Variants in TJP1 observed in about 807,000 individuals in gnomAD.
TJP1 encodes the protein tight junction protein 1.
Under a neutral mutation model 194.2 loss-of-function variants are expected in TJP1, and 43 were observed. The observed-to-expected ratio is 0.22, with a 90% confidence interval of 0.17 to 0.29. The LOEUF is 0.29. Ranked by LOEUF, TJP1 falls within the 10% of genes least tolerant of loss-of-function variation. The pLI is 1.00. For synonymous variants in TJP1, 801 were observed against 779.0 expected, an observed-to-expected ratio of 1.03 and a Z score of -0.47; for missense variants, 1,971 against 2,185.7, an observed-to-expected ratio of 0.90 and a Z score of 1.96.
chr15:29,703,912 C>T (rs755169811), intron 27 of TJP1, among the ~76,000 whole-genome samples: 4 of 152,092 alleles, frequency 2.6e-5, no homozygotes, highest in African/African-American at 7.2e-5. Flanking sequence ...CAAAGTGCTG[C>T]GATTACAGGC....
Position 29,705,764 on chromosome 15 carries a change from C to T in TJP1, c.4851-19G>A. 1 of 1,609,998 alleles carries T rather than the reference C, an allele frequency of 6.2e-7. No homozygotes were observed. The highest frequency in any genetic ancestry group is 8.5e-7 in the Non-Finnish European group (1 of 1,176,384). ...TGAAGGACTGAAAGTTCAGAAATGG[C>T]TAGTGAGTGAATTCCTAATAATACA... On this transcript the variant is annotated intron_variant, in intron 25 of 27. Coordinates refer to ENST00000614355, the MANE Select transcript of TJP1 (RefSeq NM_001330239.4).
At chr15:29,960,840 A>G (rs2056129638) in intron 1 of TJP1, among the ~76,000 whole-genome samples, 1 of 152,112 alleles carries the variant, frequency 6.6e-6, no homozygotes, top group Non-Finnish European at 1.5e-5. Flanking sequence ...TAAAAGGCAT[A>G]TGGCTCAATA....
chr15:29,849,460 C>G (rs1354678119), intron 2 of TJP1, among the ~76,000 whole-genome samples: 1 of 149,120 alleles, frequency 6.7e-6, no homozygotes, highest in East Asian at 2.0e-4. Context: ...AAAAAAAGAC[C>G]AGGCATGGTG....
intron 2 of TJP1, among the ~76,000 whole-genome samples, chr15:29,799,182 TATG>T (rs1375445017): frequency 1.2e-4 from 18 of 152,038 alleles, no homozygotes; most frequent in African/African-American, 4.1e-4. Context: ...ATAAATGTAA[TATG>T]ATAAAAAAAA....
At chr15:29,872,789 C>T (rs1027990011) in intron 2 of TJP1, among the ~76,000 whole-genome samples, 3 of 152,188 alleles carry the variant, frequency 2.0e-5, no homozygotes, top group Non-Finnish European at 4.4e-5. Context: ...GGAGAAGCCA[C>T]CACACAGAAA....
chr15:29,820,496 T>C (rs1042133921), intron 1 of TJP1: 2 of 716,360 alleles, frequency 2.8e-6, no homozygotes, highest in Admixed American at 2.0e-5. Context: ...CAAATCTCAA[T>C]ACTATAATTC....
At chr15:29,758,182 T>TG (rs2151497837) in intron 8 of TJP1, among the ~76,000 whole-genome samples, 1 of 152,304 alleles carries the variant, frequency 6.6e-6, no homozygotes, top group South Asian at 2.1e-4. Flanking sequence ...GTTAAGTTTT[T>TG]GGGAAGTTAA....
intron 2 of TJP1, among the ~76,000 whole-genome samples, chr15:29,798,976 T>G (rs977234510): frequency 1.3e-5 from 2 of 152,164 alleles, no homozygotes; most frequent in Non-Finnish European, 2.9e-5. Context: ...AGAAACCATA[T>G]CATTGGTTAA....
At chr15:29,794,818 C>T (rs1247999636) in intron 2 of TJP1, among the ~76,000 whole-genome samples, 1 of 151,902 alleles carries the variant, frequency 6.6e-6, no homozygotes, top group African/African-American at 2.4e-5. Flanking sequence ...GTAAAAAAAA[C>T]TATCAAAAGA....
intron 15 of TJP1, 54 bp downstream of exon 15, chr15:29,732,379 C>A: frequency 7.0e-7 from 1 of 1,432,710 alleles, no homozygotes; most frequent in South Asian, 1.2e-5. Flanking sequence ...AGAACTCACT[C>A]ACTTTAGAGG....
intron 10 of TJP1, among the ~76,000 whole-genome samples, chr15:29,740,627 G>GT (rs1371610903): frequency 6.6e-6 from 1 of 150,920 alleles, no homozygotes; most frequent in Non-Finnish European, 1.5e-5. Context: ...GCAAGACCCT[G>GT]TTTAAAAAAA....
At chr15:29,818,305 T>A (rs2050075312) in intron 1 of TJP1, among the ~76,000 whole-genome samples, 1 of 152,234 alleles carries the variant, frequency 6.6e-6, no homozygotes, top group Non-Finnish European at 1.5e-5. Flanking sequence ...CAGCCACTTT[T>A]CTGTGATTCA....
intron 17 of TJP1, 96 bp from the exon 18 acceptor site, chr15:29,726,575 A>G: frequency 1.5e-6 from 2 of 1,292,690 alleles, no homozygotes; most frequent in Non-Finnish European, 2.2e-6. Flanking sequence ...CATTACTGAA[A>G]GATGGTATCT....
intron 2 of TJP1, among the ~76,000 whole-genome samples, chr15:29,843,066 A>C (rs1051832707): frequency 1.3e-5 from 2 of 152,238 alleles, no homozygotes; most frequent in African/African-American, 4.8e-5. Context: ...AAATATGAGT[A>C]AAAATGCTCA....
chr15:29,771,893 G>A lies in TJP1; in HGVS notation c.312+171C>T, dbSNP rs549441410. ...TGGTATCTAAACTGAGAAAATACAC[G>A]TACCAGTGACATACCACACCAGTGT... On this transcript the variant is annotated intron_variant, in intron 4 of 27. Coordinates refer to ENST00000614355, the MANE Select transcript of TJP1 (RefSeq NM_001330239.4). 1.3e-4 allele frequency among the ~76,000 whole-genome samples: 19 copies of A among 151,310 alleles called. 1 individual carries two copies. The South Asian group carries it at 3.5e-3, about 28-fold the overall frequency.
At chr15:29,916,438 G>A (rs2054189700) in intron 2 of TJP1, among the ~76,000 whole-genome samples, 1 of 151,814 alleles carries the variant, frequency 6.6e-6, no homozygotes, top group East Asian at 1.9e-4. Context: ...TTCCTGAATG[G>A]GTAATGAGCT....
intron 2 of TJP1, among the ~76,000 whole-genome samples, chr15:29,915,576 A>G (rs1162105376): frequency 2.0e-5 from 3 of 152,234 alleles, no homozygotes; most frequent in Admixed American, 6.5e-5. Flanking sequence ...AGGATTTTAT[A>G]CTAAGATTTA....
At chr15:29,801,717 T>C (rs1023406394) in intron 1 of TJP1, among the ~76,000 whole-genome samples, 2 of 151,826 alleles carry the variant, frequency 1.3e-5, no homozygotes. Context: ...CGCCTCGGCC[T>C]CCCAAAGTGC....
intron 2 of TJP1, among the ~76,000 whole-genome samples, chr15:29,899,950 C>T (rs763139731): frequency 5.3e-5 from 8 of 152,150 alleles, no homozygotes; most frequent in Non-Finnish European, 1.2e-4. Flanking sequence ...CTCCTGCTCT[C>T]GTGGAGCTTC....
Sources: allele counts gnomAD v4.1 joint callset (sites outside exome capture counted in the v4.1 genomes callset), GRCh38; gene constraint gnomAD v4.1.1; transcripts MANE v1.5; gene names NCBI Gene and HGNC (gene_info 2026-07-23, HGNC 2026-07-21).